INTS2: variants seen among roughly 807,000 people sequenced by gnomAD.
INTS2 encodes integrator complex subunit 2.
A neutral mutation model predicts 139.6 loss-of-function variants in INTS2; 57 were observed. The ratio of observed to expected loss-of-function variants is 0.41; its 90% CI spans 0.33 to 0.51. The LOEUF is 0.51. Among genes scored for constraint, INTS2 ranks in the 20% least tolerant of loss-of-function variants. The pLI is 0.28. For synonymous variants in INTS2, 473 were observed against 493.4 expected (o/e 0.96, Z 0.55); for missense variants, 1,196 against 1,436.7 (o/e 0.83, Z 2.71).
chr17:61,897,622 G>A lies in INTS2; in HGVS notation c.1380-39C>T, dbSNP rs374387942. Reference sequence around the variant, plus strand: ...ATAGGAAATATGAATTTTCCAAAGAGAGAAGAAGAAAAGCTTTCTCAACTA... The same window carrying A: ...ATAGGAAATATGAATTTTCCAAAGAAAGAAGAAGAAAAGCTTTCTCAACTA... On this transcript the variant is annotated intron_variant, in intron 10 of 24. Transcript: ENST00000251334. The surrounding 1 kb of genome is among the most constrained non-coding windows in gnomAD (Gnocchi z 4.4). 1.3e-6 allele frequency: 2 copies of A among 1,582,068 alleles called. No homozygotes were observed. Among genetic ancestry groups the A allele is most frequent in the African/African-American group, 2.7e-5 (2 of 74,288 alleles).
intron 5 of INTS2, among the ~76,000 whole-genome samples, chr17:61,918,544 A>C (rs2074637675): frequency 1.3e-5 from 2 of 152,102 alleles, no homozygotes; most frequent in South Asian, 4.1e-4. Flanking sequence ...GCCCAGCCAG[A>C]TGAGAAGTAT....
rs2079075950 is a variant in INTS2 at position 61,869,945 on chromosome 17, G to A, written c.2822C>T (p.Thr941Ile). ...GACACCATTTGCTTTCTCCTCTTCAGTAGGTAGGCAAATCTCTAAGAGAAT... is the reference window on the plus strand; with the variant it reads ...GACACCATTTGCTTTCTCCTCTTCAATAGGTAGGCAAATCTCTAAGAGAAT... The part of the protein sequence containing the change: ...VQILLEICLP[T>I]EEEKANGVNP... Residue 941 changes from threonine to isoleucine, a missense_variant, in exon 21 of 25, where the codon ACT becomes ATT. Thr to Ile is a moderately conservative substitution (Grantham distance 89). Coordinates refer to ENST00000251334, the MANE Select transcript of INTS2 (RefSeq NM_001351695.2). This position sits in a 1 kb window ranked among gnomAD's most constrained non-coding sequence, Gnocchi z 5.4. 2 of 1,613,440 alleles carry A rather than the reference G, an allele frequency of 1.2e-6. No individual in the cohort carries two copies. Among genetic ancestry groups the A allele is most frequent in the Middle Eastern group, 1.6e-4 (1 of 6,062 alleles).
chr17:61,903,586 G>A (rs1376145758), intron 9 of INTS2, among the ~76,000 whole-genome samples: 2 of 151,360 alleles, frequency 1.3e-5, no homozygotes, highest in Non-Finnish European at 2.9e-5. Flanking sequence ...CTGGCAGAGA[G>A]TTTGAGGTTA....
intron 3 of INTS2, among the ~76,000 whole-genome samples, chr17:61,924,555 A>G (rs2079687719): frequency 6.6e-6 from 1 of 152,224 alleles, no homozygotes; most frequent in Non-Finnish European, 1.5e-5. Context: ...ACGGTGACCC[A>G]TGCCTGTAAT....
intron 18 of INTS2, among the ~76,000 whole-genome samples, chr17:61,877,098 G>A (rs2079133147): frequency 6.6e-6 from 1 of 152,172 alleles, no homozygotes; most frequent in Admixed American, 6.5e-5. Context: ...GGACTCACAG[G>A]AGTGGAAGCA....
chr17:61,919,175 G>A (rs1254735302), intron 5 of INTS2, among the ~76,000 whole-genome samples: 2 of 151,838 alleles, frequency 1.3e-5, no homozygotes, highest in Admixed American at 6.6e-5. Flanking sequence ...TGCCCGCCTC[G>A]GCCTCCCAAA....
intron 18 of INTS2, among the ~76,000 whole-genome samples, chr17:61,877,108 A>C (rs1197732167): frequency 6.6e-6 from 1 of 152,200 alleles, no homozygotes; most frequent in Non-Finnish European, 1.5e-5. Flanking sequence ...GAGTGGAAGC[A>C]AGTAAGAGAG....
At position 61,868,343 on chromosome 17, in the gene INTS2, A is replaced by G. The variant is rs1188986013; in HGVS notation, c.3245-334T>C. Reference sequence around the variant, plus strand: ...GAGGTTAAGAAACTTGTTAAAGATCACAAGCCAGTTAGTGGTGGGGCTGAG... The same window carrying G: ...GAGGTTAAGAAACTTGTTAAAGATCGCAAGCCAGTTAGTGGTGGGGCTGAG... On this transcript the variant is annotated intron_variant, in intron 23 of 24. Coordinates refer to ENST00000251334, the MANE Select transcript of INTS2 (RefSeq NM_001351695.2). This position sits in a 1 kb window ranked among gnomAD's most constrained non-coding sequence, Gnocchi z 4.7. Among the ~76,000 whole-genome samples the G allele has an allele frequency of 2.0e-5, 3 of 152,188 alleles. No homozygotes were observed. Among genetic ancestry groups the G allele is most frequent in the Non-Finnish European group, 2.9e-5 (2 of 67,998 alleles).
Position 61,869,602 on chromosome 17 carries a change from T to C in INTS2, c.3030+135A>G. ...AAAAAAAAACAACTAAAAATCTGGA[T>C]TTTTCTCCATATTGCAAAAGCCCAT... On this transcript the variant is annotated intron_variant, in intron 21 of 24. Coordinates refer to ENST00000251334, the MANE Select transcript of INTS2 (RefSeq NM_001351695.2). The surrounding 1 kb of genome is among the most constrained non-coding windows in gnomAD (Gnocchi z 5.4). 2 of 1,131,706 alleles carry C rather than the reference T, an allele frequency of 1.8e-6. No homozygotes were observed. The highest frequency in any genetic ancestry group is 1.3e-6 in the Non-Finnish European group (1 of 798,644). 70.1% of individuals were successfully genotyped at this position (1,131,706 alleles called of 1,614,324 possible).
At chr17:61,884,476 G>C (rs370038399) in intron 16 of INTS2, among the ~76,000 whole-genome samples, 1 of 152,266 alleles carries the variant, frequency 6.6e-6, no homozygotes, top group East Asian at 1.9e-4. Context: ...CTGGATGACA[G>C]AGTGAGCCAC....
Position 61,912,415 on chromosome 17 carries a change from G to T in INTS2, c.650-345C>A, listed in dbSNP as rs577301345. 2.4e-3 allele frequency among the ~76,000 whole-genome samples: 363 copies of T among 149,508 alleles called. 2 individuals are homozygous for T. Among genetic ancestry groups the T allele is most frequent in the African/African-American group, 8.3e-3 (336 of 40,414 alleles). ...CGGGGCATGGATCACCTGAGGTCAG[G>T]AGTTCGAGACTAGCCTGGCCAACAT... is the stretch of plus-strand genomic sequence containing the variant. On this transcript the variant is annotated intron_variant, in intron 5 of 24. Transcript: ENST00000251334.
Position 61,926,480 on chromosome 17 carries a change from G to A in INTS2, c.165C>T (p.Ser55=). 1 of 1,614,024 alleles carries A rather than the reference G, an allele frequency of 6.2e-7. No individual in the cohort carries two copies. The highest frequency in any genetic ancestry group is 1.1e-5 in the South Asian group (1 of 91,082). The change falls in exon 2 of 25, where the codon AGC becomes AGT. Residue 55 remains serine, a synonymous_variant. Transcript: ENST00000251334. ...ALCAPADQSQ[S]WAQDKKLILR... is the part of the protein sequence containing the mutation. ...GGATGAGTTTCTTATCCTGAGCCCA[G>A]CTTTGGCTCTGGTCAGCAGGTGCAC...
rs1040973350 is a variant in INTS2, at chr17:61,865,424, T to C, written c.*2133A>G. The C allele has an allele frequency of 3.9e-5, 6 of 152,658 alleles. No individual in the cohort carries two copies. Among genetic ancestry groups the C allele is most frequent in the Admixed American group, 2.0e-4 (3 of 15,282 alleles). The allele number at this position is 152,658 out of a possible 1,614,324, so 9.5% of individuals were successfully genotyped here. A position where few individuals can be genotyped will look rare whatever the true frequency, so the allele number is the denominator to read the frequency against. On this transcript the variant is annotated 3_prime_UTR_variant, in exon 25 of 25. Transcript: ENST00000251334. This position sits in a 1 kb window ranked among gnomAD's most constrained non-coding sequence, Gnocchi z 4.8. ...CCAATATTCAAAATAGCTGCACACATCTGTTTTCACTTGAATAAAAAAACA... is the reference window on the plus strand; with the variant it reads ...CCAATATTCAAAATAGCTGCACACACCTGTTTTCACTTGAATAAAAAAACA...
Position 61,907,578 on chromosome 17 carries a change from CAGA to C in INTS2, c.1008_1010del (p.Leu337del), listed in dbSNP as rs760939436. On this transcript the variant is annotated inframe_deletion, in exon 8 of 25. Coordinates refer to ENST00000251334, the MANE Select transcript of INTS2 (RefSeq NM_001351695.2). ...CTGTGGGAAGAATGCCCATCAACTC[CAGA>C]AGAAGCTGCCTTCTCATCTGCCAAA... is the stretch of plus-strand genomic sequence containing the variant. 1.3e-6 allele frequency: 2 copies of C among 1,593,170 alleles called. No homozygotes were observed. The highest frequency in any genetic ancestry group is 1.7e-6 in the Non-Finnish European group (2 of 1,169,178).
In INTS2 at chr17:61,907,654, C is replaced by G. The variant is rs1360087360; in HGVS notation, c.955-20G>C. ...TTTTCTCTGAAAGAAATATGGATCACAAAAGGAAGAAAGCATGAAGCATTT... is the reference window on the plus strand; with the variant it reads ...TTTTCTCTGAAAGAAATATGGATCAGAAAAGGAAGAAAGCATGAAGCATTT... On this transcript the variant is annotated intron_variant, in intron 7 of 24. Transcript: ENST00000251334. 3.2e-6 allele frequency: 5 copies of G among 1,545,716 alleles called. No homozygotes were observed. Among genetic ancestry groups the G allele is most frequent in the Middle Eastern group, 4.0e-4 (2 of 5,050 alleles).
Position 61,904,539 on chromosome 17 carries a change from G to A in INTS2, c.1228C>T (p.Arg410Cys), listed in dbSNP as rs764124465. 2.8e-5 allele frequency: 45 copies of A among 1,612,100 alleles called. No homozygotes were observed. The highest frequency in any genetic ancestry group is 3.6e-5 in the Non-Finnish European group (43 of 1,178,834). ...AEQLLQLMTS[R>C]PPATPAGVRF... ...ACCCCAGCTGGCGTAGCAGGAGGAC[G>A]GCTCGTCATCAACTGCAGTAATTGC... Residue 410 changes from arginine to cysteine, a missense_variant, in exon 9 of 25, where the codon CGT (arginine) becomes TGT (cysteine). By Grantham distance (180) the Arg-to-Cys change is radical. Coordinates refer to ENST00000251334, the MANE Select transcript of INTS2 (RefSeq NM_001351695.2).
intron 6 of INTS2, 92 bp downstream of exon 6, chr17:61,911,848 T>TC (rs1408409722): frequency 6.8e-6 from 10 of 1,460,112 alleles, no homozygotes; most frequent in Non-Finnish European, 9.3e-6. Context: ...TAAATAAAAT[T>TC]CCCCACCTCT....
intron 9 of INTS2, among the ~76,000 whole-genome samples, chr17:61,900,991 T>C (rs1329044819): frequency 6.6e-6 from 1 of 151,986 alleles, no homozygotes; most frequent in Non-Finnish European, 1.5e-5. Flanking sequence ...ACAATTAATA[T>C]TGGCTGGGTG....
intron 8 of INTS2, among the ~76,000 whole-genome samples, chr17:61,906,290 C>A (rs748993288): frequency 2.6e-5 from 4 of 152,138 alleles, no homozygotes; most frequent in Non-Finnish European, 5.9e-5. Flanking sequence ...ATTCCAAAAT[C>A]CGAAAAGTTC....
Sources: allele counts gnomAD v4.1 joint callset (sites outside exome capture counted in the v4.1 genomes callset), GRCh38; gene constraint gnomAD v4.1.1; non-coding constraint Gnocchi (gnomAD v3.1); transcripts MANE v1.5; gene names NCBI Gene and HGNC (gene_info 2026-07-23, HGNC 2026-07-21).